The following PPP1R15A variants were observed in gnomAD, a reference collection of about 807,000 sequenced individuals.
PPP1R15A encodes the protein protein phosphatase 1 regulatory subunit 15A.
Under a neutral mutation model 48.5 loss-of-function variants are expected in PPP1R15A, and 43 were observed. The observed-to-expected ratio is 0.89, with a 90% CI of 0.69 to 1.14. The LOEUF (loss-of-function observed/expected upper bound fraction) is 1.14, where lower values mean the gene tolerates loss of function less well. Among genes scored for constraint, PPP1R15A ranks in the 50% most tolerant of loss-of-function variants. The pLI is 0.00. For synonymous variants in PPP1R15A, 327 were observed against 327.4 expected (o/e 1.00, Z 0.01); for missense variants, 868 against 847.2 (o/e 1.02, Z -0.30).
Position 48,874,687 on chromosome 19 carries a change from G to A in PPP1R15A, c.1454G>A (p.Arg485Gln), listed in dbSNP as rs200976816. ...GCCCACTTCAGGGGCTGGGGATATC[G>A]ACCTGGAAAAGAGACAGAGGAAGAG... ...QRAHFRGWGY[R>Q]PGKETEEEEA... Residue 485 changes from arginine (R) to glutamine (Q), a missense_variant, in exon 2 of 3, where the codon CGA becomes CAA. Transcript: ENST00000200453. 17 of 1,613,764 alleles carry A rather than the reference G, an allele frequency of 1.1e-5. No individual in the cohort carries two copies. The highest frequency in any genetic ancestry group is 8.0e-5 in the African/African-American group (6 of 74,992).
At chr19:48,875,352 A>G in intron 2 of PPP1R15A, 1 of 545,664 alleles carries the variant, frequency 1.8e-6, no homozygotes, top group Non-Finnish European at 3.2e-6. Context: ...GCTGTCACGC[A>G]ATCCCTTGTA....
At position 48,874,510 on chromosome 19, in the gene PPP1R15A, G is replaced by C. The variant is rs776366800; in HGVS notation, c.1277G>C (p.Ser426Thr). 9 of 1,613,980 alleles carry C rather than the reference G, an allele frequency of 5.6e-6. No individual in the cohort carries two copies. Among genetic ancestry groups the C allele is most frequent in the Non-Finnish European group, 7.6e-6 (9 of 1,179,948 alleles). Reference sequence around the variant, plus strand: ...ACTTCTGCTTCCACACCCCCTGCAAGTGCTTTCTTGAAGGCCTGGGTGTAT... The same window carrying C: ...ACTTCTGCTTCCACACCCCCTGCAACTGCTTTCTTGAAGGCCTGGGTGTAT... ...AETSASTPPA[S>T]AFLKAWVYRP... Residue 426 changes from serine (S) to threonine (T), a missense_variant, in exon 2 of 3, where the codon AGT (serine) becomes ACT (threonine). Transcript: ENST00000200453.
At chr19:48,872,833 T>C (rs2037024672) in intron 1 of PPP1R15A, among the ~76,000 whole-genome samples, 182 bp downstream of exon 1, 2 of 152,140 alleles carry the variant, frequency 1.3e-5, no homozygotes, top group Admixed American at 1.3e-4. Flanking sequence ...TGTTTCAGTC[T>C]GCGAGGGAGG....
chr19:48,874,764 A>G lies in PPP1R15A; in HGVS notation c.1531A>G (p.Ile511Val). 1.2e-6 allele frequency: 2 copies of G among 1,614,016 alleles called. No homozygotes were observed. The highest frequency in any genetic ancestry group is 1.7e-6 in the Non-Finnish European group (2 of 1,179,980). ...EAEPCPFRVAIYVPGEKPPPP... is the reference protein window; with the variant it reads ...EAEPCPFRVAVYVPGEKPPPP... ...TGAGCCCTGCCCCTTCCGAGTGGCC[A>G]TCTATGTACCTGGAGAGAAGCCACC... Residue 511 changes from isoleucine (I) to valine (V), a missense_variant, in exon 2 of 3, where the codon ATC (isoleucine) becomes GTC (valine). By Grantham distance (29) the Ile-to-Val change is conservative (BLOSUM62 3). Coordinates refer to ENST00000200453, the MANE Select transcript of PPP1R15A (RefSeq NM_014330.5).
At position 48,874,138 on chromosome 19, in the gene PPP1R15A, G is replaced by A. The variant is rs369701184; in HGVS notation, c.905G>A (p.Trp302Ter). The change falls in exon 2 of 3, where the codon TGG (tryptophan) becomes TAG (stop). Residue 302 changes from tryptophan to a stop codon, truncating the protein, a stop_gained. Coordinates refer to ENST00000200453, the MANE Select transcript of PPP1R15A (RefSeq NM_014330.5). LOFTEE classifies it high-confidence loss of function. ...GCCCAGAGGCCCCAGCTCAAGTCCT[G>A]GTGGTGCCAACCCAGTGATGAAGAG... is the stretch of plus-strand genomic sequence containing the variant. ...APAQRPQLKS[W>*]WCQPSDEEEG... The A allele has an allele frequency of 6.8e-6, 11 of 1,613,876 alleles. No homozygotes were observed. The highest frequency in any genetic ancestry group is 1.3e-5 in the African/African-American group (1 of 74,890).
intron 2 of PPP1R15A, 25 bp downstream of exon 2, chr19:48,874,923 ATT>A (rs146617539): frequency 3.2e-3 from 4,265 of 1,338,830 alleles, no homozygotes; most frequent in South Asian, 9.1e-3. Flanking sequence ...CCCAGATTCT[ATT>A]TTTTTTTTTT....
In PPP1R15A at chr19:48,874,721, T is replaced by C. The variant is rs201162503; in HGVS notation, c.1488T>C (p.Ala496=). ...AAGAGACAGAGGAAGAGGAAGCTGC[T>C]GAGGACTGGGGAGAAGCTGAGCCCT... is the stretch of plus-strand genomic sequence containing the variant. The part of the protein sequence containing the change: ...PGKETEEEEA[A]EDWGEAEPCP... Residue 496 remains alanine, a synonymous_variant, in exon 2 of 3, where the codon GCT becomes GCC. Coordinates refer to ENST00000200453, the MANE Select transcript of PPP1R15A (RefSeq NM_014330.5). The C allele has an allele frequency of 2.7e-5, 44 of 1,613,978 alleles. No homozygotes were observed. In the Admixed American group the frequency reaches 5.7e-4, roughly 21 times the overall value.
At chr19:48,873,034 G>T (rs1476913420) in intron 1 of PPP1R15A, among the ~76,000 whole-genome samples, 191 bp from the exon 2 acceptor site, 1 of 152,146 alleles carries the variant, frequency 6.6e-6, no homozygotes, top group African/African-American at 2.4e-5. Flanking sequence ...TCAGACTCCT[G>T]GCTATTGAGA....
chr19:48,872,444 T>G lies in PPP1R15A; in HGVS notation c.-217T>G, dbSNP rs775316026. ...TTGCTCTTATCGGTTCCCATCCCAG[T>G]TGTTGATCTTATGCAAGACGCTGCA... On this transcript the variant is annotated 5_prime_UTR_variant, in exon 1 of 3. Coordinates refer to ENST00000200453, the MANE Select transcript of PPP1R15A (RefSeq NM_014330.5). 1 of 456,468 alleles carries G rather than the reference T, an allele frequency of 2.2e-6. No individual in the cohort carries two copies. Among genetic ancestry groups the G allele is most frequent in the African/African-American group, 2.0e-5 (1 of 50,186 alleles). The allele number at this position is 456,468 out of a possible 1,614,324, so 28.3% of individuals were successfully genotyped here.
Position 48,873,351 on chromosome 19 carries a change from G to C in PPP1R15A, c.118G>C (p.Gly40Arg), listed in dbSNP as rs754761243. 6.2e-7 allele frequency: 1 copy of C among 1,613,574 alleles called. No individual in the cohort carries two copies. Among genetic ancestry groups the C allele is most frequent in the Non-Finnish European group, 8.5e-7 (1 of 1,179,842 alleles). Residue 40 changes from glycine to arginine, a missense_variant, in exon 2 of 3, where the codon GGA (glycine) becomes CGA (arginine). Coordinates refer to ENST00000200453, the MANE Select transcript of PPP1R15A (RefSeq NM_014330.5). ...SRAWSRLRGL[G>R]PLEPWLVEAV... is the part of the protein sequence containing the mutation. ...CGCCTGGAGCCGCCTGAGGGGCCTG[G>C]GACCTCTAGAGCCCTGGCTGGTGGA...
rs773653661 is a variant in PPP1R15A at position 48,874,975 on chromosome 19, G to C, written c.1665+77G>C. The C allele has an allele frequency of 7.1e-6, 10 of 1,412,740 alleles. No homozygotes were observed. In the African/African-American group the frequency reaches 8.7e-5, roughly 12 times the overall value. The allele number at this position is 1,412,740 out of a possible 1,614,324, so 87.5% of individuals were successfully genotyped here. Reference sequence around the variant, plus strand: ...GAGTCTTGGGCTGTCACCCAGGCTGGAGTGCAGCGGCATGATCTTGGCTCA... The same window carrying C: ...GAGTCTTGGGCTGTCACCCAGGCTGCAGTGCAGCGGCATGATCTTGGCTCA... On this transcript the variant is annotated intron_variant, in intron 2 of 2. Coordinates refer to ENST00000200453, the MANE Select transcript of PPP1R15A (RefSeq NM_014330.5).
intron 1 of PPP1R15A, among the ~76,000 whole-genome samples, chr19:48,872,964 C>T (rs74780148): frequency 0.014 from 2,179 of 152,152 alleles, 29 homozygotes; most frequent in Middle Eastern, 0.037. Context: ...GGGAGTTCTG[C>T]GTCTGAAGAA....
chr19:48,873,863 C>A lies in PPP1R15A; in HGVS notation c.630C>A (p.Ala210=). The change falls in exon 2 of 3, where the codon GCC becomes GCA. Residue 210 remains alanine, a synonymous_variant. Transcript: ENST00000200453. ...AAGCTCACAGAACCTCTACTTCTGC[C>A]TTGTCTCCAGGATCCAAGCCCAGCA... ...KKEAHRTSTS[A]LSPGSKPSTW... is the part of the protein sequence containing the mutation. 3.1e-6 allele frequency: 5 copies of A among 1,614,170 alleles called. No individual in the cohort carries two copies. The South Asian group carries it at 5.5e-5, about 18-fold the overall frequency.
In PPP1R15A at chr19:48,874,882, C is replaced by T. The variant is rs1313498854; in HGVS notation, c.1649C>T (p.Pro550Leu). The change falls in exon 2 of 3, where the codon CCC becomes CTC. Residue 550 changes from proline (P) to leucine (L), a missense_variant. By Grantham distance (98) the Pro-to-Leu change is moderately conservative (BLOSUM62 -3). Transcript: ENST00000200453. The stretch of plus-strand genomic sequence containing the variant: ...ACTCATGATCCGGACCCTGAGACTC[C>T]CCTAAAGGCCAGAAAGGTAGGTGCT... ...TPTHDPDPET[P>L]LKARKVRFSE... The T allele has an allele frequency of 3.2e-6, 5 of 1,567,042 alleles. No homozygotes were observed. Among genetic ancestry groups the T allele is most frequent in the Non-Finnish European group, 4.3e-6 (5 of 1,162,504 alleles).
Position 48,874,860 on chromosome 19 carries a change from C to G in PPP1R15A, c.1627C>G (p.His543Asp), listed in dbSNP as rs138968424. The change falls in exon 2 of 3, where the codon CAT becomes GAT. Residue 543 changes from histidine (H) to aspartate (D), a missense_variant. By Grantham distance (81) the His-to-Asp change is moderately conservative. Coordinates refer to ENST00000200453, the MANE Select transcript of PPP1R15A (RefSeq NM_014330.5). ...GCTCAAGCGCCCAGAAACCCCTACTCATGATCCGGACCCTGAGACTCCCCT... is the reference window on the plus strand; with the variant it reads ...GCTCAAGCGCCCAGAAACCCCTACTGATGATCCGGACCCTGAGACTCCCCT... Reference protein sequence around the residue: ...RRLKRPETPTHDPDPETPLKA... With the variant: ...RRLKRPETPTDDPDPETPLKA... The G allele has an allele frequency of 3.6e-5, 57 of 1,605,524 alleles. No individual in the cohort carries two copies. In the African/African-American group the frequency reaches 6.6e-4, roughly 18 times the overall value.
rs749342299 is a variant in PPP1R15A at position 48,874,298 on chromosome 19, T to G, written c.1065T>G (p.Asp355Glu). The change falls in exon 2 of 3, where the codon GAT (aspartate) becomes GAG (glutamate). Residue 355 changes from aspartate to glutamate, a missense_variant. Physicochemically the swap from Asp to Glu is conservative, Grantham distance 45 (BLOSUM62 2). Coordinates refer to ENST00000200453, the MANE Select transcript of PPP1R15A (RefSeq NM_014330.5). ...GAGAGGACACAGAGGAAGAGGAAGA[T>G]GAGGAAGAAGATGAGGACAGTGACT... ...WPGEDTEEEE[D>E]EEEDEDSDSG... The G allele has an allele frequency of 1.2e-6, 2 of 1,613,160 alleles. No homozygotes were observed. The highest frequency in any genetic ancestry group is 1.7e-6 in the Non-Finnish European group (2 of 1,179,728).
In PPP1R15A at chr19:48,872,439, C is replaced by G. The variant is rs1388661167; in HGVS notation, c.-222C>G. 2.2e-6 allele frequency: 1 copy of G among 456,540 alleles called. No homozygotes were observed. Among genetic ancestry groups the G allele is most frequent in the Admixed American group, 2.3e-5 (1 of 42,572 alleles). 28.3% of individuals were successfully genotyped at this position (456,540 alleles called of 1,614,324 possible). ...GTTCGTTGCTCTTATCGGTTCCCATCCCAGTTGTTGATCTTATGCAAGACG... is the reference window on the plus strand; with the variant it reads ...GTTCGTTGCTCTTATCGGTTCCCATGCCAGTTGTTGATCTTATGCAAGACG... On this transcript the variant is annotated 5_prime_UTR_variant, in exon 1 of 3. It adds an upstream start codon to the 5' untranslated region. Coordinates refer to ENST00000200453, the MANE Select transcript of PPP1R15A (RefSeq NM_014330.5).
In PPP1R15A at chr19:48,874,738, C is replaced by T; in HGVS notation, c.1505C>T (p.Ala502Val). The change falls in exon 2 of 3, where the codon GCT becomes GTT. Residue 502 changes from alanine to valine, a missense_variant. Physicochemically the swap from Ala to Val is moderately conservative, Grantham distance 64 (BLOSUM62 0). Transcript: ENST00000200453. ...EEEAAEDWGE[A>V]EPCPFRVAIY... ...GAAGCTGCTGAGGACTGGGGAGAAG[C>T]TGAGCCCTGCCCCTTCCGAGTGGCC... 1 of 1,614,072 alleles carries T rather than the reference C, an allele frequency of 6.2e-7. No homozygotes were observed. Among genetic ancestry groups the T allele is most frequent in the Non-Finnish European group, 8.5e-7 (1 of 1,180,006 alleles).
rs1166896595 is a variant in PPP1R15A at position 48,873,537 on chromosome 19, A to C, written c.304A>C (p.Ser102Arg). 1.2e-6 allele frequency: 2 copies of C among 1,614,198 alleles called. No individual in the cohort carries two copies. Among genetic ancestry groups the C allele is most frequent in the East Asian group, 4.5e-5 (2 of 44,886 alleles). Residue 102 changes from serine to arginine, a missense_variant, in exon 2 of 3, where the codon AGT becomes CGT. Coordinates refer to ENST00000200453, the MANE Select transcript of PPP1R15A (RefSeq NM_014330.5). ...DRETLGLKTSSSLPEAWGLLD... is the reference protein window; with the variant it reads ...DRETLGLKTSRSLPEAWGLLD... ...AGAAACACTGGGGCTGAAAACCAGC[A>C]GTTCCCTTCCTGAAGCCTGGGGACT...
Sources: allele counts gnomAD v4.1 joint callset (sites outside exome capture counted in the v4.1 genomes callset), GRCh38; gene constraint gnomAD v4.1.1; transcripts MANE v1.5; gene names NCBI Gene and HGNC (gene_info 2026-07-23, HGNC 2026-07-21).